DESI2: variants seen among roughly 807,000 people sequenced by gnomAD.
DESI2 encodes desumoylating isopeptidase 2.
Under a neutral mutation model 24.1 loss-of-function variants are expected in DESI2, and 10 were observed. The observed-to-expected ratio is 0.41, with a 90% CI of 0.26 to 0.70. The LOEUF (loss-of-function observed/expected upper bound fraction) is 0.70, where lower values mean the gene tolerates loss of function less well. Among genes scored for constraint, DESI2 ranks in the 30% least tolerant of loss-of-function variants. The pLI, the probability that DESI2 is intolerant of heterozygous loss-of-function variation, is 0.29. For synonymous variants in DESI2, 71 were observed against 87.7 expected (o/e 0.81, Z 1.06); for missense variants, 122 against 234.9 (o/e 0.52, Z 3.14).
rs1264231577 is a variant in DESI2, at chr1:244,689,753, A to C, written c.209+411A>C. Among the ~76,000 whole-genome samples the C allele has an allele frequency of 6.6e-6, 1 of 151,944 alleles. No homozygotes were observed. The highest frequency in any genetic ancestry group is 2.4e-5 in the African/African-American group (1 of 41,370). The stretch of plus-strand genomic sequence containing the variant: ...TTGAACTCCTGACCTCAGGTGATCC[A>C]CCTGCCTCGGCCTCCCAAAGTGCTG... On this transcript the variant is annotated intron_variant, in intron 3 of 4. Transcript: ENST00000302550. The surrounding 1 kb of genome is among the most constrained non-coding windows in gnomAD (Gnocchi z 4.0).
chr1:244,683,449 C>T (rs557961088), intron 1 of DESI2, among the ~76,000 whole-genome samples: 1 of 151,954 alleles, frequency 6.6e-6, no homozygotes, highest in South Asian at 2.1e-4. Flanking sequence ...GTAGCTGGGA[C>T]TACAAGTGCC....
rs1188857832 is a variant in DESI2 at position 244,706,480 on chromosome 1, GTCTC to G, written c.*695_*698del. 3.9e-5 allele frequency: 6 copies of G among 152,736 alleles called. No homozygotes were observed. The highest frequency in any genetic ancestry group is 7.3e-5 in the Non-Finnish European group (5 of 68,058). 9.5% of individuals were successfully genotyped at this position (152,736 alleles called of 1,614,324 possible). A position where few individuals can be genotyped will look rare whatever the true frequency, so the allele number is the denominator to read the frequency against. On this transcript the variant is annotated 3_prime_UTR_variant, in exon 5 of 5. Transcript: ENST00000302550. ...CCTAGGCGGGGTGGTATGTTCTTAC[GTCTC>G]TCTGACTTTGATGCCACTCATTCTA...
intron 1 of DESI2, among the ~76,000 whole-genome samples, chr1:244,657,286 T>C (rs1210553350): frequency 6.6e-6 from 1 of 152,158 alleles, no homozygotes; most frequent in Non-Finnish European, 1.5e-5. Flanking sequence ...AATTCAGACT[T>C]TTTGAACAAG....
chr1:244,692,121 T>C (rs779254841), intron 4 of DESI2, 101 bp downstream of exon 4: 4 of 1,065,086 alleles, frequency 3.8e-6, no homozygotes, highest in Non-Finnish European at 5.4e-6. Flanking sequence ...TCTTTTCCGA[T>C]TTTTTGTGTT....
chr1:244,688,266 A>G (rs1252811650), intron 2 of DESI2, among the ~76,000 whole-genome samples: 1 of 152,230 alleles, frequency 6.6e-6, no homozygotes, highest in Non-Finnish European at 1.5e-5. Flanking sequence ...GAATCCAAAT[A>G]TAATCTTATC....
intron 1 of DESI2, among the ~76,000 whole-genome samples, chr1:244,684,788 T>C (rs1558661318): frequency 6.6e-6 from 1 of 152,200 alleles, no homozygotes; most frequent in Non-Finnish European, 1.5e-5. Context: ...TTCTATAGAA[T>C]AGATTCCAGA....
chr1:244,703,104 C>T (rs1392268773), intron 4 of DESI2, among the ~76,000 whole-genome samples: 4 of 148,370 alleles, frequency 2.7e-5, no homozygotes, highest in African/African-American at 1.0e-4. Context: ...TGGGTTCAAG[C>T]AATTCTCCTG....
intron 1 of DESI2, among the ~76,000 whole-genome samples, chr1:244,662,349 T>A (rs922816423): frequency 1.3e-5 from 2 of 152,148 alleles, no homozygotes; most frequent in South Asian, 2.1e-4. Context: ...TGAACATGGG[T>A]TTATAAAAAT....
chr1:244,694,683 T>C (rs894459787), intron 4 of DESI2: 11 of 752,486 alleles, frequency 1.5e-5, no homozygotes, highest in Admixed American at 5.6e-5. Context: ...GTGCGTCTTA[T>C]TGCGACGCTT....
intron 1 of DESI2, among the ~76,000 whole-genome samples, chr1:244,657,751 C>T (rs1000796572): frequency 6.6e-6 from 1 of 152,220 alleles, no homozygotes; most frequent in Non-Finnish European, 1.5e-5. Flanking sequence ...AAGTAACTGC[C>T]ATAAGCACCA....
chr1:244,661,048 A>G (rs1675821832), intron 1 of DESI2, among the ~76,000 whole-genome samples: 1 of 152,230 alleles, frequency 6.6e-6, no homozygotes, highest in African/African-American at 2.4e-5. Context: ...CACATAACAT[A>G]AAATTTACGT....
chr1:244,666,341 T>C (rs984840900), intron 1 of DESI2, among the ~76,000 whole-genome samples: 2 of 152,178 alleles, frequency 1.3e-5, no homozygotes. Context: ...CTCTCTCCTA[T>C]CTATACAAGG....
intron 1 of DESI2, among the ~76,000 whole-genome samples, chr1:244,658,274 C>G (rs143165715): frequency 6.6e-6 from 1 of 152,070 alleles, no homozygotes; most frequent in African/African-American, 2.4e-5. Flanking sequence ...GGTCCATTTC[C>G]CTCTTCTATA....
intron 1 of DESI2, among the ~76,000 whole-genome samples, chr1:244,674,321 C>CTT (rs35687515): frequency 0.016 from 2,346 of 147,516 alleles, 61 homozygotes; most frequent in African/African-American, 0.052. Context: ...TCATAACGGT[C>CTT]TTTTTTTTTT....
chr1:244,661,862 G>A (rs1257325171), intron 1 of DESI2, among the ~76,000 whole-genome samples: 4 of 152,126 alleles, frequency 2.6e-5, no homozygotes, highest in African/African-American at 9.7e-5. Flanking sequence ...TAGTGCCGCA[G>A]TAAACATACG....
chr1:244,672,144 G>A (rs764635851), intron 1 of DESI2, among the ~76,000 whole-genome samples: 8 of 151,998 alleles, frequency 5.3e-5, no homozygotes, highest in African/African-American at 9.7e-5. Context: ...GATCAGCCTG[G>A]GCAACATAGC....
chr1:244,662,924 T>C (rs960385152), intron 1 of DESI2, among the ~76,000 whole-genome samples: 1 of 152,174 alleles, frequency 6.6e-6, no homozygotes, highest in African/African-American at 2.4e-5. Context: ...AGTTCTCAGG[T>C]AGATTCAGTA....
At chr1:244,694,669 A>C in intron 4 of DESI2, 1 of 775,544 alleles carries the variant, frequency 1.3e-6, no homozygotes, top group Admixed American at 1.7e-5. Flanking sequence ...CAGCAGTGGC[A>C]CGTGTGCGTC....
intron 4 of DESI2, 76 bp downstream of exon 4, chr1:244,692,096 C>T (rs1436636676): frequency 6.4e-6 from 8 of 1,258,042 alleles, no homozygotes; most frequent in African/African-American, 4.6e-5. Context: ...CCACTATATT[C>T]GATCTTGATT....
Sources: gnomAD v4.1 joint callset for allele counts (sites outside exome capture counted in the v4.1 genomes callset) on GRCh38, gnomAD v4.1.1 for gene constraint, Gnocchi (gnomAD v3.1) non-coding constraint, MANE v1.5 for transcripts, NCBI Gene and HGNC (gene_info 2026-07-23, HGNC 2026-07-21) for gene names.